Variants in SCP2 observed in about 807,000 individuals in gnomAD.
SCP2 encodes the protein SCP-2/3-oxoacyl-CoA thiolase.
SCP2 carries 48 observed loss-of-function variants against 71.4 expected under a neutral mutation model. That is an observed-to-expected ratio of 0.67 (90% confidence interval 0.53 to 0.86). The LOEUF (loss-of-function observed/expected upper bound fraction) is 0.86, where lower values mean the gene tolerates loss of function less well. Among genes scored for constraint, SCP2 ranks in the 40% least tolerant of loss-of-function variants. The pLI is 0.00. For missense variants in SCP2, 560 were observed against 655.6 expected (o/e 0.85, Z 1.59); for synonymous variants, 220 against 218.1 (o/e 1.01, Z -0.08).
intron 11 of SCP2, among the ~76,000 whole-genome samples, chr1:53,009,163 G>T (rs1351817516): frequency 6.6e-6 from 1 of 152,152 alleles, no homozygotes; most frequent in Non-Finnish European, 1.5e-5. Context: ...CATGCTCATG[G>T]GTAGGAAGAA....
rs543303322 is a variant in SCP2, at chr1:52,994,789, G to T, written c.1081+6653G>T. 3 of 560,586 alleles carry T rather than the reference G, an allele frequency of 5.4e-6. No homozygotes were observed. In the African/African-American group the frequency reaches 5.8e-5, roughly 11 times the overall value. 34.7% of individuals were successfully genotyped at this position (560,586 alleles called of 1,614,324 possible). A position where few individuals can be genotyped will look rare whatever the true frequency, so the allele number is the denominator to read the frequency against. On this transcript the variant is annotated intron_variant, in intron 11 of 15. Coordinates refer to ENST00000371514, the MANE Select transcript of SCP2 (RefSeq NM_002979.5). ...CAACCGGATGGGTGCCAAGTGCTGG[G>T]ATGTGATCAGTGATGAACGTGAAAT...
chr1:53,035,946 G>A (rs1487086587), intron 13 of SCP2, among the ~76,000 whole-genome samples: 1 of 150,896 alleles, frequency 6.6e-6, no homozygotes, highest in African/African-American at 2.4e-5. Flanking sequence ...CGTGAACCCG[G>A]GAGGCGGAGC....
chr1:52,936,717 G>A (rs1653774952), intron 1 of SCP2, among the ~76,000 whole-genome samples: 1 of 152,164 alleles, frequency 6.6e-6, no homozygotes, highest in Non-Finnish European at 1.5e-5. Flanking sequence ...AAACTATAAT[G>A]TCTTTGGATG....
At chr1:52,987,680 C>T (rs930574685) in intron 10 of SCP2, among the ~76,000 whole-genome samples, 8 of 152,092 alleles carry the variant, frequency 5.3e-5, no homozygotes, top group Non-Finnish European at 1.2e-4. Flanking sequence ...GAAAAGAACA[C>T]ATTTTGGCAA....
rs1266143123 is a variant in SCP2 at position 52,988,023 on chromosome 1, C to T, written c.974-6C>T. On this transcript the variant is annotated splice_polypyrimidine_tract_variant and splice_region_variant and intron_variant, in intron 10 of 15. Coordinates refer to ENST00000371514, the MANE Select transcript of SCP2 (RefSeq NM_002979.5). Reference sequence around the variant, plus strand: ...ATATTTGTGAATACTATTTTTTCTTCTATAGGACAAGGTGCAACGCTGGTT... The same window carrying T: ...ATATTTGTGAATACTATTTTTTCTTTTATAGGACAAGGTGCAACGCTGGTT... 1 of 1,435,182 alleles carries T rather than the reference C, an allele frequency of 7.0e-7. No homozygotes were observed. Among genetic ancestry groups the T allele is most frequent in the East Asian group, 2.3e-5 (1 of 43,960 alleles). 88.9% of individuals were successfully genotyped at this position (1,435,182 alleles called of 1,614,324 possible). A position where few individuals can be genotyped will look rare whatever the true frequency, so the allele number is the denominator to read the frequency against.
At chr1:52,947,097 G>C (rs12060111) in intron 2 of SCP2, among the ~76,000 whole-genome samples, 6,244 of 146,702 alleles carry the variant, frequency 0.043, 384 homozygotes, top group African/African-American at 0.14. Context: ...TACAGGAATA[G>C]AGGGCCGAGT....
rs185881632 is a variant in SCP2 at position 53,010,947 on chromosome 1, G to A, written c.1082-3943G>A. On this transcript the variant is annotated intron_variant, in intron 11 of 15. Coordinates refer to ENST00000371514, the MANE Select transcript of SCP2 (RefSeq NM_002979.5). ...CTGACTCCTTTTTCAGACTCAGCCC[G>A]CCTGCACCCAGGTGAAATAAACAGC... Among the ~76,000 whole-genome samples, 793 of 152,166 alleles carry A rather than the reference G, an allele frequency of 5.2e-3. 6 individuals are homozygous for A. Among genetic ancestry groups the A allele is most frequent in the African/African-American group, 0.018 (728 of 41,508 alleles).
chr1:53,037,066 G>A (rs2150258912), intron 13 of SCP2, among the ~76,000 whole-genome samples: 1 of 152,240 alleles, frequency 6.6e-6, no homozygotes, highest in South Asian at 2.1e-4. Context: ...GAACCCAGGA[G>A]GCAGAGGTTG....
chr1:52,960,602 GTATGTATA>G (rs752856097), intron 5 of SCP2, among the ~76,000 whole-genome samples: 22 of 141,480 alleles, frequency 1.6e-4, no homozygotes, highest in Admixed American at 3.5e-4. Flanking sequence ...ATGTATATAT[GTATGTATA>G]TATGTATATA....
In SCP2 at chr1:52,962,906, G is replaced by GATAT. The variant is rs145785277; in HGVS notation, c.523+1290_523+1293dup. 7.6e-3 allele frequency among the ~76,000 whole-genome samples: 1,134 copies of GATAT among 149,526 alleles called. 9 individuals carry two copies. The highest frequency in any genetic ancestry group is 0.025 in the African/African-American group (1,023 of 40,854). ...GATTATTACAGGTGCCATATAACAT[G>GATAT]ATATATATATATATATTCTTGTTTA... On this transcript the variant is annotated intron_variant, in intron 6 of 15. Transcript: ENST00000371514.
intron 11 of SCP2, chr1:52,993,860 A>G (rs1659729468): frequency 6.8e-7 from 1 of 1,481,392 alleles, no homozygotes; most frequent in Non-Finnish European, 9.0e-7. Flanking sequence ...ATTAGTAATC[A>G]TATGATAGTA....
At chr1:52,948,384 G>A (rs937924173) in intron 3 of SCP2, among the ~76,000 whole-genome samples, 6 of 152,128 alleles carry the variant, frequency 3.9e-5, no homozygotes, top group African/African-American at 1.4e-4. Context: ...TGTGGCTCAC[G>A]CCTATAATCC....
chr1:52,965,617 T>C (rs912660406), intron 6 of SCP2, among the ~76,000 whole-genome samples: 3 of 152,046 alleles, frequency 2.0e-5, no homozygotes, highest in Non-Finnish European at 2.9e-5. Flanking sequence ...GGTCGTTGCT[T>C]GTGTATACAA....
chr1:52,963,546 G>A (rs2150146321), intron 6 of SCP2: 1 of 152,258 alleles, frequency 6.6e-6, no homozygotes, highest in East Asian at 1.9e-4. Flanking sequence ...ATTCAGACAA[G>A]TTTTTGACCA....
chr1:53,027,174 C>A (rs960927411), intron 12 of SCP2, among the ~76,000 whole-genome samples: 3 of 152,224 alleles, frequency 2.0e-5, no homozygotes, highest in African/African-American at 7.2e-5. Context: ...TCCATCTCAG[C>A]CTCCTGAGTA....
chr1:53,031,200 A>G (rs1481718602), intron 13 of SCP2, among the ~76,000 whole-genome samples: 1 of 152,220 alleles, frequency 6.6e-6, no homozygotes, highest in Non-Finnish European at 1.5e-5. Flanking sequence ...ATATGGCAGT[A>G]TATCAGTCAT....
chr1:52,991,503 C>T (rs1387097528), intron 11 of SCP2, among the ~76,000 whole-genome samples: 4 of 152,180 alleles, frequency 2.6e-5, no homozygotes, highest in East Asian at 1.9e-4. Context: ...CAGGTTCAAG[C>T]GATTCTTCTG....
chr1:52,959,190 T>A (rs1656096488), intron 5 of SCP2, among the ~76,000 whole-genome samples: 2 of 150,104 alleles, frequency 1.3e-5, no homozygotes, highest in East Asian at 2.0e-4. Context: ...TTCTTTTCTT[T>A]AAAAAAAATT....
At chr1:53,006,675 A>T (rs1330677151) in intron 11 of SCP2, among the ~76,000 whole-genome samples, 1 of 152,254 alleles carries the variant, frequency 6.6e-6, no homozygotes, top group Admixed American at 6.5e-5. Context: ...CTGAAAAAAC[A>T]TGCCAAATTG....
Sources: gnomAD v4.1 joint callset for allele counts (sites outside exome capture counted in the v4.1 genomes callset) on GRCh38, gnomAD v4.1.1 for gene constraint, MANE v1.5 for transcripts, NCBI Gene and HGNC (gene_info 2026-07-23, HGNC 2026-07-21) for gene names.